The following PTPRD variants were observed in gnomAD, a reference collection of about 807,000 sequenced individuals.
PTPRD encodes receptor-type tyrosine-protein phosphatase delta.
A neutral mutation model predicts 214.5 loss-of-function variants in PTPRD; 34 were observed. The ratio of observed to expected loss-of-function variants is 0.16; its 90% CI spans 0.12 to 0.21. PTPRD has a LOEUF of 0.21. Ranked by LOEUF, PTPRD falls within the 10% of genes least tolerant of loss-of-function variation. PTPRD has a pLI of 1.00. For synonymous variants in PTPRD, 1,128 were observed against 845.7 expected, an observed-to-expected ratio of 1.33 and a Z score of -5.79; for missense variants, 2,545 against 2,398.7, an observed-to-expected ratio of 1.06 and a Z score of -1.27.
chr9:8,393,316 G>A (rs2090179756), intron 36 of PTPRD, among the ~76,000 whole-genome samples: 1 of 152,162 alleles, frequency 6.6e-6, no homozygotes, highest in Non-Finnish European at 1.5e-5. Flanking sequence ...AACTTGAAAT[G>A]TAGTACTGAA....
rs1274978641 is a variant in PTPRD at position 10,448,803 on chromosome 9, G to A, written c.-599-107786C>T. Among the ~76,000 whole-genome samples, 3 of 151,872 alleles carry A rather than the reference G, an allele frequency of 2.0e-5. No homozygotes were observed. The East Asian group carries it at 5.8e-4, about 29-fold the overall frequency. On this transcript the variant is annotated intron_variant, in intron 2 of 45. Coordinates refer to ENST00000381196, the MANE Select transcript of PTPRD (RefSeq NM_002839.4). ...CCAACGCATCAAATCACACTCAAGG[G>A]CATTTTGCATGCCCAAGAGAAAGCA...
At chr9:8,979,383 A>G (rs538667018) in intron 11 of PTPRD, among the ~76,000 whole-genome samples, 5 of 152,232 alleles carry the variant, frequency 3.3e-5, no homozygotes, top group African/African-American at 1.2e-4. Context: ...AAGCAAAAAT[A>G]AATGAAACTA....
chr9:10,235,604 CCA>C (rs931109620), intron 3 of PTPRD, among the ~76,000 whole-genome samples: 3 of 151,940 alleles, frequency 2.0e-5, no homozygotes, highest in African/African-American at 7.2e-5. Context: ...AAGAAAACTG[CCA>C]AACACCAGCT....
At chr9:9,006,435 G>T (rs890514596) in intron 11 of PTPRD, among the ~76,000 whole-genome samples, 1 of 151,858 alleles carries the variant, frequency 6.6e-6, no homozygotes, top group Non-Finnish European at 1.5e-5. Flanking sequence ...CATTCCCTTG[G>T]TATTTACAAA....
intron 9 of PTPRD, among the ~76,000 whole-genome samples, chr9:9,378,430 A>C (rs1414446725): frequency 6.6e-6 from 1 of 152,164 alleles, no homozygotes; most frequent in Non-Finnish European, 1.5e-5. Flanking sequence ...CTAGTGAAAG[A>C]CAACTTGATT....
chr9:10,406,467 T>A (rs973647390), intron 2 of PTPRD, among the ~76,000 whole-genome samples: 4 of 151,572 alleles, frequency 2.6e-5, no homozygotes, highest in African/African-American at 9.7e-5. Flanking sequence ...GTGTGTACCC[T>A]ATCAAAAATC....
At chr9:10,372,651 G>A (rs7028956) in intron 2 of PTPRD, among the ~76,000 whole-genome samples, 6,970 of 151,818 alleles carry the variant, frequency 0.046, 223 homozygotes, top group East Asian at 0.089. Flanking sequence ...ATCAGTGCCT[G>A]GCTCATGGTG....
At chr9:9,766,171 C>T (rs902486994) in intron 6 of PTPRD, among the ~76,000 whole-genome samples, 3 of 152,138 alleles carry the variant, frequency 2.0e-5, no homozygotes, top group African/African-American at 4.8e-5. Context: ...ATTTTCTTTT[C>T]AACTCTCTTT....
At chr9:9,058,604 C>G (rs1337141503) in intron 10 of PTPRD, among the ~76,000 whole-genome samples, 1 of 150,940 alleles carries the variant, frequency 6.6e-6, no homozygotes, top group Non-Finnish European at 1.5e-5. Context: ...CTCCCGCCAC[C>G]TCGCCCGGCT....
chr9:10,569,397 A>G (rs1177609839), intron 2 of PTPRD, among the ~76,000 whole-genome samples: 2 of 152,080 alleles, frequency 1.3e-5, no homozygotes, highest in Admixed American at 6.6e-5. Flanking sequence ...TCTCCCTTTC[A>G]TGACCTGGTT....
rs5896240 is a variant in PTPRD, at chr9:8,352,083, A to ATTT, written c.4662-10108_4662-10106dup. Among the ~76,000 whole-genome samples, 394 of 147,358 alleles carry ATTT rather than the reference A, an allele frequency of 2.7e-3. 1 individual carries two copies. Among genetic ancestry groups the ATTT allele is most frequent in the African/African-American group, 9.4e-3 (378 of 40,200 alleles). ...AAAAAATCCACATGGGCCTAATCTG[A>ATTT]TTTTTTTTTTTTCAAATATGTAGAC... On this transcript the variant is annotated intron_variant, in intron 39 of 45. Coordinates refer to ENST00000381196, the MANE Select transcript of PTPRD (RefSeq NM_002839.4).
intron 9 of PTPRD, among the ~76,000 whole-genome samples, chr9:9,379,941 T>C (rs539388410): frequency 2.6e-5 from 4 of 152,204 alleles, no homozygotes; most frequent in African/African-American, 9.6e-5. Context: ...TCTTTTGTAT[T>C]TTTGCATAGA....
At chr9:9,167,367 C>T (rs2099906331) in intron 10 of PTPRD, among the ~76,000 whole-genome samples, 1 of 147,734 alleles carries the variant, frequency 6.8e-6, no homozygotes, top group South Asian at 2.2e-4. Flanking sequence ...TGTGATTTTT[C>T]GATTTGCTAA....
intron 8 of PTPRD, among the ~76,000 whole-genome samples, chr9:9,456,350 A>C (rs1204991954): frequency 6.6e-6 from 1 of 151,878 alleles, no homozygotes; most frequent in Non-Finnish European, 1.5e-5. Context: ...AAAAAAATAT[A>C]GATCAGATAA....
chr9:8,434,299 T>A (rs2095249155), intron 35 of PTPRD, among the ~76,000 whole-genome samples: 1 of 152,186 alleles, frequency 6.6e-6, no homozygotes, highest in Non-Finnish European at 1.5e-5. Flanking sequence ...TTTTTTACAG[T>A]ATTTTTTACC....
intron 5 of PTPRD, among the ~76,000 whole-genome samples, chr9:9,915,977 T>C (rs2080654405): frequency 6.6e-6 from 1 of 151,328 alleles, no homozygotes; most frequent in Non-Finnish European, 1.5e-5. Flanking sequence ...AGAAAAACAT[T>C]AAGTAACATA....
chr9:10,606,352 C>G (rs1456935181), intron 2 of PTPRD, among the ~76,000 whole-genome samples: 1 of 151,758 alleles, frequency 6.6e-6, no homozygotes, highest in Non-Finnish European at 1.5e-5. Flanking sequence ...CCATCCTTTT[C>G]CACTGAGTAG....
intron 3 of PTPRD, among the ~76,000 whole-genome samples, chr9:10,281,041 T>A (rs2095077710): frequency 6.6e-6 from 1 of 152,200 alleles, no homozygotes; most frequent in Non-Finnish European, 1.5e-5. Flanking sequence ...CTAGCAGTTT[T>A]GCTTCATTTA....
chr9:9,156,971 T>C (rs1425532775), intron 10 of PTPRD, among the ~76,000 whole-genome samples: 2 of 152,218 alleles, frequency 1.3e-5, no homozygotes, highest in Admixed American at 6.5e-5. Flanking sequence ...TCTCATTCTC[T>C]GCTACCAAGT....
Sources: gnomAD v4.1 joint callset for allele counts (sites outside exome capture counted in the v4.1 genomes callset) on GRCh38, gnomAD v4.1.1 for gene constraint, MANE v1.5 for transcripts, NCBI Gene and HGNC (gene_info 2026-07-23, HGNC 2026-07-21) for gene names.